HS3ST5: variants seen among roughly 807,000 people sequenced by gnomAD.
HS3ST5 encodes the protein heparan sulfate glucosamine 3-O-sulfotransferase 5.
In HS3ST5, 10 loss-of-function variants were observed where a neutral mutation model predicts 25.4. That is an observed-to-expected ratio of 0.39 (90% CI 0.24 to 0.67). The LOEUF (loss-of-function observed/expected upper bound fraction) is 0.67, where lower values mean the gene tolerates loss of function less well. HS3ST5 is among the 30% of genes least tolerant of loss of function. HS3ST5 has a pLI of 0.44. For missense variants in HS3ST5, 324 were observed against 420.7 expected, an observed-to-expected ratio of 0.77 and a Z score of 2.01; for synonymous variants, 170 against 162.4, an observed-to-expected ratio of 1.05 and a Z score of -0.36.
chr6:114,207,821 C>A (rs1781343540), intron 2 of HS3ST5, among the ~76,000 whole-genome samples: 1 of 152,074 alleles, frequency 6.6e-6, no homozygotes, highest in African/African-American at 2.4e-5. Context: ...CTATGTAATA[C>A]AATTATACCA....
chr6:114,292,827 A>G (rs1248273427), intron 1 of HS3ST5, among the ~76,000 whole-genome samples: 1 of 152,234 alleles, frequency 6.6e-6, no homozygotes, highest in Non-Finnish European at 1.5e-5. Flanking sequence ...TGTATACTTT[A>G]AATCATCTCT....
At position 114,310,112 on chromosome 6, in the gene HS3ST5, G is replaced by A. The variant is rs572993398; in HGVS notation, c.-339+32083C>T. ...GATGAGTCCATGATGGAATGATGGG[G>A]GAAAAAATTAAACTCATAGTCCTCA... On this transcript the variant is annotated intron_variant, in intron 1 of 4. Coordinates refer to ENST00000312719, the MANE Select transcript of HS3ST5 (RefSeq NM_153612.4). Among the ~76,000 whole-genome samples the A allele has an allele frequency of 2.6e-5, 4 of 152,044 alleles. No homozygotes were observed. In the South Asian group the frequency reaches 8.3e-4, roughly 32 times the overall value.
At chr6:114,230,706 C>T in intron 1 of HS3ST5, among the ~76,000 whole-genome samples, 1 of 151,310 alleles carries the variant, frequency 6.6e-6, no homozygotes, top group East Asian at 2.0e-4. Context: ...CCTGCCTCAT[C>T]CTCCCAAGTA....
chr6:114,263,707 T>C (rs749548437), intron 1 of HS3ST5, among the ~76,000 whole-genome samples: 1 of 152,162 alleles, frequency 6.6e-6, no homozygotes, highest in South Asian at 2.1e-4. Flanking sequence ...CCACAAGGTA[T>C]GTAGTCAGCA....
At chr6:114,196,560 C>G (rs1235008566) in intron 2 of HS3ST5, among the ~76,000 whole-genome samples, 2 of 151,634 alleles carry the variant, frequency 1.3e-5, no homozygotes, top group African/African-American at 2.4e-5. Context: ...ACCAAATAAA[C>G]AGGGAGCGGC....
chr6:114,296,669 C>T (rs945445684), intron 1 of HS3ST5, among the ~76,000 whole-genome samples: 2 of 152,176 alleles, frequency 1.3e-5, no homozygotes, highest in Admixed American at 6.5e-5. Context: ...GATATAATCA[C>T]CCCTGTTAAA....
chr6:114,104,296 T>C (rs1362085339), intron 3 of HS3ST5, among the ~76,000 whole-genome samples: 2 of 152,100 alleles, frequency 1.3e-5, no homozygotes, highest in African/African-American at 4.8e-5. Context: ...GGTGAATAAT[T>C]ATAAATTAAA....
intron 1 of HS3ST5, among the ~76,000 whole-genome samples, chr6:114,333,520 T>A (rs1159915040): frequency 6.6e-6 from 1 of 152,172 alleles, no homozygotes; most frequent in African/African-American, 2.4e-5. Flanking sequence ...CTGCTATAAA[T>A]AACCCTTAAC....
chr6:114,143,456 T>C (rs1412751702), intron 3 of HS3ST5, among the ~76,000 whole-genome samples: 1 of 152,188 alleles, frequency 6.6e-6, no homozygotes, highest in Non-Finnish European at 1.5e-5. Context: ...CATTGCAGAA[T>C]AGGAGGTGAT....
intron 3 of HS3ST5, among the ~76,000 whole-genome samples, chr6:114,145,021 A>G (rs1380913376): frequency 2.6e-5 from 4 of 151,964 alleles, no homozygotes; most frequent in Admixed American, 1.3e-4. Context: ...CACGGAAATT[A>G]CTCTCACTTG....
chr6:114,230,721 G>A (rs576686645), intron 1 of HS3ST5, among the ~76,000 whole-genome samples: 94 of 151,338 alleles, frequency 6.2e-4, no homozygotes, highest in Non-Finnish European at 8.1e-4. Context: ...CAAGTAGCTG[G>A]GATTACAGGC....
chr6:114,153,748 T>A (rs1778567880), intron 3 of HS3ST5, among the ~76,000 whole-genome samples: 1 of 152,192 alleles, frequency 6.6e-6, no homozygotes, highest in Admixed American at 6.5e-5. Flanking sequence ...TTTCCTCTGA[T>A]GAGATCAAGG....
At chr6:114,331,318 A>G (rs184840340) in intron 1 of HS3ST5, among the ~76,000 whole-genome samples, 4 of 152,360 alleles carry the variant, frequency 2.6e-5, no homozygotes, top group Admixed American at 2.0e-4. Flanking sequence ...ATTTATAACT[A>G]AAAGTACAGA....
intron 3 of HS3ST5, among the ~76,000 whole-genome samples, chr6:114,100,257 T>C (rs1021860464): frequency 4.6e-5 from 7 of 152,080 alleles, no homozygotes; most frequent in Non-Finnish European, 8.8e-5. Flanking sequence ...ACAATCTTTA[T>C]AGTCTCTGGG....
intron 1 of HS3ST5, among the ~76,000 whole-genome samples, chr6:114,308,434 A>G (rs1357478624): frequency 6.6e-6 from 1 of 152,008 alleles, no homozygotes; most frequent in Non-Finnish European, 1.5e-5. Context: ...GAAATACAGG[A>G]AAATTAGCCG....
chr6:114,320,499 T>G (rs575987181), intron 1 of HS3ST5, among the ~76,000 whole-genome samples: 1 of 152,228 alleles, frequency 6.6e-6, no homozygotes. Context: ...ACTCCCATAT[T>G]AATTCGATTG....
At chr6:114,214,207 A>C (rs1000985105) in intron 2 of HS3ST5, among the ~76,000 whole-genome samples, 2 of 152,256 alleles carry the variant, frequency 1.3e-5, no homozygotes, top group East Asian at 3.8e-4. Flanking sequence ...GTAGACTTAC[A>C]GACAAGTTGC....
At chr6:114,245,099 T>A (rs1481892978) in intron 1 of HS3ST5, among the ~76,000 whole-genome samples, 1 of 152,206 alleles carries the variant, frequency 6.6e-6, no homozygotes, top group Non-Finnish European at 1.5e-5. Flanking sequence ...CTATTCAGTG[T>A]AGAAGATCTA....
chr6:114,201,147 T>G (rs1201586699), intron 2 of HS3ST5, among the ~76,000 whole-genome samples: 1 of 152,196 alleles, frequency 6.6e-6, no homozygotes, highest in Admixed American at 6.5e-5. Flanking sequence ...CCCAGCTTGA[T>G]ATGTCCAGTA....
Sources: allele counts gnomAD v4.1 joint callset (sites outside exome capture counted in the v4.1 genomes callset), GRCh38; gene constraint gnomAD v4.1.1; transcripts MANE v1.5; gene names NCBI Gene and HGNC (gene_info 2026-07-23, HGNC 2026-07-21).